FGF14: variants seen among roughly 807,000 people sequenced by gnomAD.
The protein encoded by FGF14 is fibroblast growth factor homologous factor 4.
Under a neutral mutation model 25.5 loss-of-function variants are expected in FGF14, and 5 were observed. That is an observed-to-expected ratio of 0.20 (90% CI 0.10 to 0.41). The LOEUF (loss-of-function observed/expected upper bound fraction) is 0.41, where lower values mean the gene tolerates loss of function less well. Among genes scored for constraint, FGF14 ranks in the 10% least tolerant of loss-of-function variants. The pLI is 1.00. For missense variants in FGF14, 222 were observed against 320.1 expected, an observed-to-expected ratio of 0.69 and a Z score of 2.34; for synonymous variants, 138 against 118.3, an observed-to-expected ratio of 1.17 and a Z score of -1.08.
rs529891213 is a variant in FGF14, at chr13:101,952,885, T to A, written c.209-77589A>T. Among the ~76,000 whole-genome samples, 12 of 152,030 alleles carry A rather than the reference T, an allele frequency of 7.9e-5. No individual in the cohort carries two copies. In the East Asian group the frequency reaches 2.1e-3, roughly 27 times the overall value. ...GTCTCTACTAAAAATACAAAAAAAA[T>A]TAGCTGGGCATGGTGGTAGGCGCCT... is the stretch of plus-strand genomic sequence containing the variant. On this transcript the variant is annotated intron_variant, in intron 1 of 4. Transcript: ENST00000376131.
intron 1 of FGF14, among the ~76,000 whole-genome samples, chr13:102,390,959 AGAAAAAACTTAAGCC>A (rs2058418520): frequency 6.6e-6 from 1 of 152,248 alleles, no homozygotes. Context: ...AAGTACAGAA[AGAAAAAACTTAAGCC>A]GAATAAATAT....
chr13:101,792,113 C>T (rs935682161), intron 3 of FGF14, among the ~76,000 whole-genome samples: 3 of 152,040 alleles, frequency 2.0e-5, no homozygotes, highest in African/African-American at 7.2e-5. Context: ...AAACAAGAGA[C>T]TACCTTCTTA....
intron 1 of FGF14, among the ~76,000 whole-genome samples, chr13:102,311,470 T>C (rs1270083509): frequency 6.6e-6 from 1 of 152,096 alleles, no homozygotes; most frequent in Non-Finnish European, 1.5e-5. Context: ...AGTCCATCCT[T>C]CCCCACAGCT....
At chr13:102,133,070 A>G (rs1229795997) in intron 1 of FGF14, among the ~76,000 whole-genome samples, 1 of 152,230 alleles carries the variant, frequency 6.6e-6, no homozygotes, top group Admixed American at 6.5e-5. Flanking sequence ...TTATATTGAA[A>G]TGGATTGTTG....
chr13:102,156,059 C>T lies in FGF14; in HGVS notation c.208+245412G>A, dbSNP rs183791265. 1.6e-4 allele frequency among the ~76,000 whole-genome samples: 24 copies of T among 152,292 alleles called. No homozygotes were observed. In the East Asian group the frequency reaches 4.1e-3, roughly 26 times the overall value. ...AAGAGTCCAGGACCAGATGGATTCA[C>T]AGCTGAATTCTACCAGAGGTACAAG... On this transcript the variant is annotated intron_variant, in intron 1 of 4. Transcript: ENST00000376131.
intron 1 of FGF14, among the ~76,000 whole-genome samples, chr13:102,289,951 G>C (rs575218164): frequency 6.6e-6 from 1 of 152,100 alleles, no homozygotes; most frequent in Non-Finnish European, 1.5e-5. Flanking sequence ...TTCTAGTGAA[G>C]TCAGAACGTG....
At chr13:101,793,180 AC>A (rs1226587800) in intron 3 of FGF14, among the ~76,000 whole-genome samples, 1 of 151,248 alleles carries the variant, frequency 6.6e-6, no homozygotes, top group East Asian at 1.9e-4. Context: ...CATTCCTTCC[AC>A]CCCCCAGCCT....
intron 1 of FGF14, among the ~76,000 whole-genome samples, chr13:101,906,996 G>C (rs1182862701): frequency 6.6e-6 from 1 of 152,046 alleles, no homozygotes; most frequent in Non-Finnish European, 1.5e-5. Context: ...GCTTAAACTT[G>C]AGTGATATTT....
At chr13:102,264,003 T>C (rs2052853122) in intron 1 of FGF14, among the ~76,000 whole-genome samples, 2 of 100,738 alleles carry the variant, frequency 2.0e-5, no homozygotes, top group Admixed American at 1.2e-4. Flanking sequence ...CTAGAGGTTT[T>C]CTCTTTCCTT....
At chr13:102,386,467 T>C (rs2058306015) in intron 1 of FGF14, among the ~76,000 whole-genome samples, 2 of 152,174 alleles carry the variant, frequency 1.3e-5, no homozygotes, top group South Asian at 4.1e-4. Flanking sequence ...CTACCAATTA[T>C]AAATTTGAAA....
intron 1 of FGF14, among the ~76,000 whole-genome samples, chr13:102,378,544 T>C (rs1214489503): frequency 6.6e-6 from 1 of 151,864 alleles, no homozygotes; most frequent in Non-Finnish European, 1.5e-5. Flanking sequence ...CAGGCAAGAA[T>C]AAATAAATAT....
At chr13:102,100,945 A>T (rs559818106) in intron 1 of FGF14, among the ~76,000 whole-genome samples, 1 of 152,232 alleles carries the variant, frequency 6.6e-6, no homozygotes, top group African/African-American at 2.4e-5. Flanking sequence ...ACAAAAATAC[A>T]AAAATTAGCC....
intron 3 of FGF14, chr13:101,801,903 C>A: frequency 5.0e-6 from 2 of 399,778 alleles, no homozygotes; most frequent in Non-Finnish European, 9.8e-6. Flanking sequence ...ACCAAGAAAC[C>A]AAAGGGTAAG....
At chr13:102,191,897 G>T (rs2049138623) in intron 1 of FGF14, among the ~76,000 whole-genome samples, 1 of 152,118 alleles carries the variant, frequency 6.6e-6, no homozygotes, top group Admixed American at 6.5e-5. Context: ...ATTCCAAAAG[G>T]AAAAATTAAG....
rs1319378057 is a variant in FGF14, at chr13:101,722,265, C to G, written c.*566G>C. Reference sequence around the variant, plus strand: ...TAGGTTTAGAAGGCTTCCTGATTCCCTGATTGCTCTCCGACCTAAGCCAAC... The same window carrying G: ...TAGGTTTAGAAGGCTTCCTGATTCCGTGATTGCTCTCCGACCTAAGCCAAC... On this transcript the variant is annotated 3_prime_UTR_variant, in exon 5 of 5. Coordinates refer to ENST00000376143, the MANE Select transcript of FGF14 (RefSeq NM_004115.4). 1 of 179,052 alleles carries G rather than the reference C, an allele frequency of 5.6e-6. No individual in the cohort carries two copies. The highest frequency in any genetic ancestry group is 1.3e-4 in the South Asian group (1 of 7,932). The allele number at this position is 179,052 out of a possible 1,614,324, so 11.1% of individuals were successfully genotyped here.
intron 1 of FGF14, among the ~76,000 whole-genome samples, chr13:102,256,899 T>C (rs1363343732): frequency 1.3e-5 from 2 of 152,222 alleles, no homozygotes; most frequent in South Asian, 2.1e-4. Context: ...TAATTGGTCA[T>C]GAATTGAAAA....
intron 1 of FGF14, among the ~76,000 whole-genome samples, chr13:101,912,003 T>C (rs1267743026): frequency 7.6e-6 from 1 of 131,962 alleles, no homozygotes; most frequent in Non-Finnish European, 1.6e-5. Flanking sequence ...ACAAAAACAG[T>C]GTTTTTTTTT....
intron 1 of FGF14, among the ~76,000 whole-genome samples, chr13:102,389,325 A>C (rs1210260108): frequency 6.6e-6 from 1 of 152,228 alleles, no homozygotes; most frequent in Non-Finnish European, 1.5e-5. Context: ...TAGGATGTAT[A>C]CTACCTTCTC....
intron 1 of FGF14, among the ~76,000 whole-genome samples, chr13:102,321,464 C>A (rs1002494862): frequency 1.3e-5 from 2 of 152,064 alleles, no homozygotes; most frequent in Non-Finnish European, 2.9e-5. Context: ...TAATGCTTCC[C>A]AGGGTCATTA....
Sources: allele counts gnomAD v4.1 joint callset (sites outside exome capture counted in the v4.1 genomes callset), GRCh38; gene constraint gnomAD v4.1.1; transcripts MANE v1.5; gene names NCBI Gene and HGNC (gene_info 2026-07-23, HGNC 2026-07-21).